SYN3: variants seen among roughly 807,000 people sequenced by gnomAD.
SYN3 encodes synapsin-3.
Under a neutral mutation model 65.8 loss-of-function variants are expected in SYN3, and 35 were observed. That is an observed-to-expected ratio of 0.53 (90% CI 0.41 to 0.70). The LOEUF is 0.70. Ranked by LOEUF, SYN3 falls within the 30% of genes least tolerant of loss-of-function variation. The pLI is 0.00. For synonymous variants in SYN3, 270 were observed against 292.9 expected (o/e 0.92, Z 0.80); for missense variants, 680 against 749.0 (o/e 0.91, Z 1.08).
chr22:32,514,721 A>C (rs1245269590), intron 13 of SYN3: 1 of 152,238 alleles, frequency 6.6e-6, no homozygotes, highest in Non-Finnish European at 1.5e-5. Flanking sequence ...CACATTAAAA[A>C]CTGCACCACA....
chr22:32,983,535 C>T (rs534816997), intron 2 of SYN3, among the ~76,000 whole-genome samples: 165 of 152,258 alleles, frequency 1.1e-3, no homozygotes, highest in African/African-American at 3.5e-3. Context: ...CTTTTTCTTA[C>T]GTCCTGATGG....
At chr22:32,643,562 G>GC (rs2059936411) in intron 6 of SYN3, among the ~76,000 whole-genome samples, 1 of 122,174 alleles carries the variant, frequency 8.2e-6, no homozygotes, top group African/African-American at 3.2e-5. Flanking sequence ...GGGGGCGGGG[G>GC]GGGCAGAACA....
At chr22:32,998,843 C>T (rs2052975126) in intron 2 of SYN3, among the ~76,000 whole-genome samples, 2 of 139,160 alleles carry the variant, frequency 1.4e-5, no homozygotes, top group South Asian at 4.5e-4. Flanking sequence ...TTTCAAATAG[C>T]AGCCTTACAG....
intron 3 of SYN3, among the ~76,000 whole-genome samples, chr22:32,964,110 T>C (rs2051746499): frequency 6.6e-6 from 1 of 151,906 alleles, no homozygotes; most frequent in Non-Finnish European, 1.5e-5. Flanking sequence ...GCTCACGACA[T>C]GAACCTCAGG....
At chr22:32,540,636 C>A (rs1445696694) in intron 8 of SYN3, among the ~76,000 whole-genome samples, 2 of 152,244 alleles carry the variant, frequency 1.3e-5, no homozygotes, top group Non-Finnish European at 2.9e-5. Flanking sequence ...CCCATGTAAT[C>A]CGTGCTTTGT....
At chr22:32,803,346 G>A (rs987284007) in intron 6 of SYN3, among the ~76,000 whole-genome samples, 4 of 152,064 alleles carry the variant, frequency 2.6e-5, no homozygotes, top group African/African-American at 9.7e-5. Context: ...GAGGAGGTAG[G>A]AGCTTGGCAG....
intron 6 of SYN3, among the ~76,000 whole-genome samples, chr22:32,697,813 T>G (rs899594348): frequency 6.6e-6 from 1 of 152,212 alleles, no homozygotes; most frequent in African/African-American, 2.4e-5. Context: ...CTTGACTGAC[T>G]CTGGCCAGTG....
At chr22:32,672,706 C>A (rs1412778491) in intron 6 of SYN3, among the ~76,000 whole-genome samples, 1 of 152,230 alleles carries the variant, frequency 6.6e-6, no homozygotes, top group Non-Finnish European at 1.5e-5. Flanking sequence ...TCTCAACAGC[C>A]CTTTCTTTCT....
intron 6 of SYN3, chr22:32,849,432 G>T: frequency 6.2e-7 from 1 of 1,611,540 alleles, no homozygotes; most frequent in Non-Finnish European, 8.5e-7. Context: ...ACCTCTTATT[G>T]TCTCCTTCTG....
chr22:32,703,305 C>G (rs1460409880), intron 6 of SYN3, among the ~76,000 whole-genome samples: 2 of 152,144 alleles, frequency 1.3e-5, no homozygotes, highest in Non-Finnish European at 2.9e-5. Context: ...ATTATACACA[C>G]TCAGGATCTG....
chr22:32,788,781 T>A (rs988540449), intron 6 of SYN3, among the ~76,000 whole-genome samples: 1 of 152,176 alleles, frequency 6.6e-6, no homozygotes, highest in Non-Finnish European at 1.5e-5. Flanking sequence ...AAAGAACAGC[T>A]TTATTATTGT....
chr22:32,979,573 T>A (rs1036704496), intron 3 of SYN3, among the ~76,000 whole-genome samples: 3 of 152,162 alleles, frequency 2.0e-5, no homozygotes, highest in Admixed American at 1.3e-4. Flanking sequence ...TTGAAATCAT[T>A]TTTACAGCAA....
intron 7 of SYN3, among the ~76,000 whole-genome samples, chr22:32,576,360 TCA>T (rs1344024849): frequency 6.6e-6 from 1 of 152,154 alleles, no homozygotes; most frequent in Non-Finnish European, 1.5e-5. Context: ...TGTCTGAGCT[TCA>T]GTTTTCCCTT....
At chr22:32,856,461 G>A (rs542663724) in intron 6 of SYN3, among the ~76,000 whole-genome samples, 32 of 152,176 alleles carry the variant, frequency 2.1e-4, no homozygotes, top group African/African-American at 7.7e-4. Context: ...ATAGGGGAGC[G>A]AGATTCCCTC....
intron 1 of SYN3, among the ~76,000 whole-genome samples, chr22:33,024,973 GA>G (rs1260810276): frequency 6.6e-6 from 1 of 152,216 alleles, no homozygotes; most frequent in African/African-American, 2.4e-5. Flanking sequence ...GAAAGTCCTT[GA>G]AAACAGTTCT....
chr22:33,006,680 G>A lies in SYN3; in HGVS notation c.-18C>T. ...AAATTCATGGCTGTGGATGGATGGAGATGACTGGCTCCTACCCAGACGTGT... is the reference window on the plus strand; with the variant it reads ...AAATTCATGGCTGTGGATGGATGGAAATGACTGGCTCCTACCCAGACGTGT... On this transcript the variant is annotated 5_prime_UTR_variant, in exon 2 of 14. Transcript: ENST00000358763. 3 of 1,558,806 alleles carry A rather than the reference G, an allele frequency of 1.9e-6. No homozygotes were observed. The highest frequency in any genetic ancestry group is 2.6e-6 in the Non-Finnish European group (3 of 1,151,678).
In SYN3 at chr22:33,016,208, C is replaced by G. The variant is rs558111701; in HGVS notation, c.-162-9384G>C. On this transcript the variant is annotated intron_variant, in intron 1 of 13. Coordinates refer to ENST00000358763, the MANE Select transcript of SYN3 (RefSeq NM_003490.4). ...TTGAAAGGAATCCCTTATTTTTTTC[C>G]CCAGTTTGGTACATTAACAGCACAT... 2.2e-4 allele frequency among the ~76,000 whole-genome samples: 34 copies of G among 152,132 alleles called. 1 individual carries two copies. In the South Asian group the frequency reaches 7.1e-3, roughly 32 times the overall value.
chr22:32,623,554 C>T (rs1459046580), intron 6 of SYN3, among the ~76,000 whole-genome samples: 1 of 152,202 alleles, frequency 6.6e-6, no homozygotes, highest in African/African-American at 2.4e-5. Context: ...TTCCCATAAC[C>T]CCAACCTGCC....
intron 6 of SYN3, among the ~76,000 whole-genome samples, chr22:32,744,747 A>C (rs963831504): frequency 1.3e-5 from 2 of 152,154 alleles, no homozygotes; most frequent in African/African-American, 4.8e-5. Context: ...CCCGCTGAGA[A>C]CTAACACCAC....
Sources: allele counts gnomAD v4.1 joint callset (sites outside exome capture counted in the v4.1 genomes callset), GRCh38; gene constraint gnomAD v4.1.1; transcripts MANE v1.5; gene names NCBI Gene and HGNC (gene_info 2026-07-23, HGNC 2026-07-21).